ZSWIM6: variants seen among roughly 807,000 people sequenced by gnomAD.
ZSWIM6 encodes the protein zinc finger SWIM-type containing 6.
ZSWIM6 carries 9 observed loss-of-function variants against 113.2 expected under a neutral mutation model. That is an observed-to-expected ratio of 0.08 (90% CI 0.05 to 0.14). ZSWIM6 has a LOEUF of 0.14. ZSWIM6 is among the 10% of genes least tolerant of loss of function. ZSWIM6 has a pLI of 1.00. For synonymous variants in ZSWIM6, 611 were observed against 606.5 expected (o/e 1.01, Z -0.11); for missense variants, 1,162 against 1,552.2 (o/e 0.75, Z 4.22).
At chr5:61,405,528 TTGAGC>T (rs1331485207) in intron 1 of ZSWIM6, among the ~76,000 whole-genome samples, 1 of 152,088 alleles carries the variant, frequency 6.6e-6, no homozygotes, top group African/African-American at 2.4e-5. Context: ...GAGGTGGCAT[TTGAGC>T]TGAGCCTTTA....
chr5:61,409,698 C>T (rs1414480141), intron 1 of ZSWIM6, among the ~76,000 whole-genome samples: 3 of 152,086 alleles, frequency 2.0e-5, no homozygotes, highest in Non-Finnish European at 2.9e-5. Flanking sequence ...TCTTCGGTTT[C>T]TTAGTTGTAT....
At chr5:61,512,750 T>A (rs889132980) in intron 4 of ZSWIM6, among the ~76,000 whole-genome samples, 1 of 152,178 alleles carries the variant, frequency 6.6e-6, no homozygotes, top group Non-Finnish European at 1.5e-5. Flanking sequence ...GTTTTTTGTC[T>A]GCAATTTGGC....
intron 1 of ZSWIM6, among the ~76,000 whole-genome samples, chr5:61,346,230 G>A (rs367766788): frequency 6.6e-6 from 1 of 152,084 alleles, no homozygotes; most frequent in African/African-American, 2.4e-5. Context: ...AATTATAGGC[G>A]GTAGCCACCG....
intron 4 of ZSWIM6, among the ~76,000 whole-genome samples, chr5:61,513,172 C>A (rs1748834497): frequency 6.6e-6 from 1 of 151,994 alleles, no homozygotes; most frequent in Non-Finnish European, 1.5e-5. Flanking sequence ...TTCTTTTTAC[C>A]ATCTCCATAG....
At chr5:61,498,674 C>T (rs189482901) in intron 4 of ZSWIM6, among the ~76,000 whole-genome samples, 1 of 152,254 alleles carries the variant, frequency 6.6e-6, no homozygotes, top group East Asian at 1.9e-4. Context: ...AATTAACCTG[C>T]TCCATGGACC....
At chr5:61,366,642 A>G (rs1332980224) in intron 1 of ZSWIM6, among the ~76,000 whole-genome samples, 1 of 152,190 alleles carries the variant, frequency 6.6e-6, no homozygotes, top group Non-Finnish European at 1.5e-5. Context: ...TGTATTTGAA[A>G]GAGGCACATG....
chr5:61,425,519 C>G (rs1561232311), intron 1 of ZSWIM6, among the ~76,000 whole-genome samples: 1 of 152,160 alleles, frequency 6.6e-6, no homozygotes, highest in Non-Finnish European at 1.5e-5. Flanking sequence ...TCTGAGAGTT[C>G]TCATGTTCTA....
At chr5:61,452,314 T>G (rs1747101173) in intron 1 of ZSWIM6, among the ~76,000 whole-genome samples, 1 of 152,176 alleles carries the variant, frequency 6.6e-6, no homozygotes, top group Non-Finnish European at 1.5e-5. Flanking sequence ...TATTACAGCT[T>G]ATTGAATCTG....
chr5:61,343,459 C>T (rs934042992), intron 1 of ZSWIM6, among the ~76,000 whole-genome samples: 3 of 152,202 alleles, frequency 2.0e-5, no homozygotes, highest in Admixed American at 6.5e-5. Flanking sequence ...GTTTTAAATT[C>T]TCTTACGTAA....
At chr5:61,424,461 G>A (rs373327141) in intron 1 of ZSWIM6, among the ~76,000 whole-genome samples, 10 of 152,280 alleles carry the variant, frequency 6.6e-5, no homozygotes, top group South Asian at 2.1e-4. Context: ...CCCTGGTCTC[G>A]CCTAGGGAGA....
intron 2 of ZSWIM6, among the ~76,000 whole-genome samples, chr5:61,481,254 C>T (rs1747855466): frequency 1.3e-5 from 2 of 152,086 alleles, no homozygotes; most frequent in South Asian, 4.1e-4. Context: ...ACAGCATAAG[C>T]CAATTATAAA....
intron 1 of ZSWIM6, among the ~76,000 whole-genome samples, chr5:61,440,954 A>G (rs745764084): frequency 9.2e-5 from 14 of 152,218 alleles, no homozygotes; most frequent in African/African-American, 2.2e-4. Context: ...TTGGTCCACA[A>G]AAGAGACAAC....
rs553130744 is a variant in ZSWIM6 at position 61,421,418 on chromosome 5, A to G, written c.677-51263A>G. Among the ~76,000 whole-genome samples the G allele has an allele frequency of 7.2e-5, 11 of 152,194 alleles. No individual in the cohort carries two copies. The East Asian group carries it at 2.1e-3, about 29-fold the overall frequency. On this transcript the variant is annotated intron_variant, in intron 1 of 13. Coordinates refer to ENST00000252744, the MANE Select transcript of ZSWIM6 (RefSeq NM_020928.2). Reference sequence around the variant, plus strand: ...AACATAATGACCTCCAGTTCCCTTCATGTTGTTGCACATGATAGGATCTCA... The same window carrying G: ...AACATAATGACCTCCAGTTCCCTTCGTGTTGTTGCACATGATAGGATCTCA...
At chr5:61,507,525 A>T (rs1351423829) in intron 4 of ZSWIM6, among the ~76,000 whole-genome samples, 3 of 152,226 alleles carry the variant, frequency 2.0e-5, no homozygotes, top group Non-Finnish European at 4.4e-5. Context: ...GAGAAAACAG[A>T]TTTCTTCTGA....
intron 2 of ZSWIM6, among the ~76,000 whole-genome samples, chr5:61,475,032 G>C (rs1173198928): frequency 2.0e-5 from 3 of 152,188 alleles, no homozygotes; most frequent in Non-Finnish European, 4.4e-5. Flanking sequence ...ACTTTTTCAA[G>C]TAGGCTTCTG....
intron 4 of ZSWIM6, among the ~76,000 whole-genome samples, chr5:61,520,320 T>G (rs1749078983): frequency 1.3e-5 from 2 of 152,214 alleles, no homozygotes; most frequent in African/African-American, 4.8e-5. Context: ...CTGTCTTGCT[T>G]TGAAATTTAA....
At chr5:61,518,712 C>T (rs888390171) in intron 4 of ZSWIM6, among the ~76,000 whole-genome samples, 22 of 151,744 alleles carry the variant, frequency 1.4e-4, no homozygotes, top group Admixed American at 9.8e-4. Context: ...GAGTAGGTTG[C>T]GAAAATTTTC....
chr5:61,347,116 G>C (rs1744675194), intron 1 of ZSWIM6: 1 of 153,600 alleles, frequency 6.5e-6, no homozygotes, highest in East Asian at 1.9e-4. Flanking sequence ...TGTTTCAGTA[G>C]CTCATAGCTA....
At chr5:61,480,858 T>C (rs542123197) in intron 2 of ZSWIM6, among the ~76,000 whole-genome samples, 1 of 152,274 alleles carries the variant, frequency 6.6e-6, no homozygotes, top group South Asian at 2.1e-4. Flanking sequence ...AAGGCCTTTG[T>C]AAGCCACCGA....
Sources: gnomAD v4.1 joint callset for allele counts (sites outside exome capture counted in the v4.1 genomes callset) on GRCh38, gnomAD v4.1.1 for gene constraint, MANE v1.5 for transcripts, NCBI Gene and HGNC (gene_info 2026-07-23, HGNC 2026-07-21) for gene names.